TUBGCP3: variants seen among roughly 807,000 people sequenced by gnomAD.
The protein encoded by TUBGCP3 is gamma-tubulin complex component 3.
Under a neutral mutation model 123.1 loss-of-function variants are expected in TUBGCP3, and 50 were observed. That is an observed-to-expected ratio of 0.41 (90% CI 0.32 to 0.51). TUBGCP3 has a LOEUF of 0.51. Ranked by LOEUF, TUBGCP3 falls within the 20% of genes least tolerant of loss-of-function variation. The pLI, the probability that TUBGCP3 is intolerant of heterozygous loss-of-function variation, is 0.36. For missense variants in TUBGCP3, 882 were observed against 1,127.0 expected (o/e 0.78, Z 3.11); for synonymous variants, 405 against 413.9 (o/e 0.98, Z 0.26).
At position 112,504,158 on chromosome 13, in the gene TUBGCP3, A is replaced by G. The variant is rs756337745; in HGVS notation, c.2181T>C (p.Leu727=). 4 of 1,614,128 alleles carry G rather than the reference A, an allele frequency of 2.5e-6. No individual in the cohort carries two copies. The highest frequency in any genetic ancestry group is 3.4e-6 in the Non-Finnish European group (4 of 1,180,020). Residue 727 remains leucine, a synonymous_variant, in exon 19 of 22, where the codon CTT becomes CTC. Transcript: ENST00000261965. The part of the protein sequence containing the change: ...QMQYYITFEV[L]ECSWDELWNK... ...TCCAAAGCTCATCCCAAGAACATTC[A>G]AGCACCTGGGAAACAACAATTTAAA...
In TUBGCP3 at chr13:112,559,408, A is replaced by C. The variant is rs761158087; in HGVS notation, c.253-9T>G. 1.3e-6 allele frequency: 2 copies of C among 1,590,288 alleles called. No individual in the cohort carries two copies. Among genetic ancestry groups the C allele is most frequent in the South Asian group, 2.2e-5 (2 of 89,082 alleles). On this transcript the variant is annotated splice_polypyrimidine_tract_variant and intron_variant, in intron 3 of 21. Transcript: ENST00000261965. Reference sequence around the variant, plus strand: ...TTATTTTTCAAAACTCCCTGTTTGGAAAAAAGTTAATATTAAAAGAACGAT... The same window carrying C: ...TTATTTTTCAAAACTCCCTGTTTGGCAAAAAGTTAATATTAAAAGAACGAT...
At chr13:112,566,116 G>A (rs557942384) in intron 2 of TUBGCP3, among the ~76,000 whole-genome samples, 2 of 152,308 alleles carry the variant, frequency 1.3e-5, no homozygotes, top group Admixed American at 6.5e-5. Context: ...CAGTTGCAGC[G>A]AATGAGAAGT....
At chr13:112,596,014 G>A in the TUBGCP3 span, among the ~76,000 whole-genome samples, 2 of 151,996 alleles carry the variant, frequency 1.3e-5, no homozygotes, top group African/African-American at 4.8e-5. Flanking sequence ...ACTTATTTCT[G>A]TCTACTGCTG....
At position 112,547,167 on chromosome 13, in the gene TUBGCP3, T is replaced by C. The variant is rs149028175; in HGVS notation, c.1168+453A>G. On this transcript the variant is annotated intron_variant, in intron 10 of 21. Transcript: ENST00000261965. ...GACCGAGAGTCACCAACATGGTCCC[T>C]GACTGCAGAAGGACTAAAGGCAAAA... 6.7e-5 allele frequency: 23 copies of C among 341,660 alleles called. No individual in the cohort carries two copies. In the Middle Eastern group the frequency reaches 2.3e-3, roughly 34 times the overall value. The allele number at this position is 341,660 out of a possible 1,614,324, so 21.2% of individuals were successfully genotyped here. A position where few individuals can be genotyped will look rare whatever the true frequency, so the allele number is the denominator to read the frequency against.
intron 9 of TUBGCP3, 88 bp downstream of exon 9, chr13:112,548,020 G>T: frequency 1.9e-6 from 2 of 1,028,024 alleles, no homozygotes; most frequent in Non-Finnish European, 2.8e-6. Context: ...TAAAAGTAAT[G>T]TATGAAGGAA....
At chr13:112,487,116 T>C (rs1879739905) in intron 21 of TUBGCP3, among the ~76,000 whole-genome samples, 1 of 151,818 alleles carries the variant, frequency 6.6e-6, no homozygotes, top group African/African-American at 2.4e-5. Flanking sequence ...ACTGCCTTTT[T>C]AGGTGAGGGA....
intron 9 of TUBGCP3, among the ~76,000 whole-genome samples, 169 bp from the exon 10 acceptor site, chr13:112,547,921 C>T (rs978220189): frequency 6.6e-6 from 1 of 151,924 alleles, no homozygotes; most frequent in Admixed American, 6.6e-5. Flanking sequence ...GGTAGAACCC[C>T]GAAAATTGGC....
chr13:112,533,068 T>C (rs1470298189), intron 11 of TUBGCP3, among the ~76,000 whole-genome samples: 4 of 152,172 alleles, frequency 2.6e-5, no homozygotes, highest in African/African-American at 7.2e-5. Context: ...TCAGCCATGA[T>C]TGGCACTCAA....
chr13:112,559,285 C>T (rs752223757), intron 4 of TUBGCP3, 37 bp downstream of exon 4: 22 of 1,576,596 alleles, frequency 1.4e-5, no homozygotes, highest in Non-Finnish European at 1.9e-5. Flanking sequence ...CCAGGGTGTC[C>T]CGACGGACAC....
At chr13:112,592,712 A>G (rs1386477011), upstream of TUBGCP3, among the ~76,000 whole-genome samples, 3 of 152,216 alleles carry the variant, frequency 2.0e-5, no homozygotes, top group Non-Finnish European at 2.9e-5. This position sits in a 1 kb window ranked among gnomAD's most constrained non-coding sequence, Gnocchi z 4.1. Flanking sequence ...GGCCTCAGCC[A>G]AGGGACCCAT....
At chr13:112,541,902 C>A (rs1437052529) in intron 11 of TUBGCP3, among the ~76,000 whole-genome samples, 2 of 152,132 alleles carry the variant, frequency 1.3e-5, no homozygotes, top group African/African-American at 2.4e-5. Flanking sequence ...GATACAGATT[C>A]TTTAATTAAA....
At chr13:112,571,828 A>T (rs1881417246) in intron 1 of TUBGCP3, among the ~76,000 whole-genome samples, 1 of 152,186 alleles carries the variant, frequency 6.6e-6, no homozygotes, top group African/African-American at 2.4e-5. Context: ...TTCACCTTGC[A>T]TTTTTATGTT....
At chr13:112,568,317 G>A (rs1265397157) in intron 2 of TUBGCP3, among the ~76,000 whole-genome samples, 1 of 150,916 alleles carries the variant, frequency 6.6e-6, no homozygotes, top group African/African-American at 2.4e-5. Context: ...AAGGCCAAAT[G>A]GGTTTCTAGA....
chr13:112,534,778 A>T (rs749649545), intron 11 of TUBGCP3, among the ~76,000 whole-genome samples: 85 of 152,174 alleles, frequency 5.6e-4, no homozygotes, highest in Admixed American at 2.0e-3. Context: ...ATTTTTTTTT[A>T]GAGGAAATTC....
At chr13:112,576,555 G>T (rs986514925) in intron 1 of TUBGCP3, among the ~76,000 whole-genome samples, 1 of 152,104 alleles carries the variant, frequency 6.6e-6, no homozygotes, top group South Asian at 2.1e-4. Flanking sequence ...ATATTGATTA[G>T]CTTCACTGTG....
chr13:112,584,862 G>A (rs927642861), intron 1 of TUBGCP3, among the ~76,000 whole-genome samples: 1 of 152,184 alleles, frequency 6.6e-6, no homozygotes, highest in Non-Finnish European at 1.5e-5. Flanking sequence ...AAATAAATGT[G>A]CTCCCAGGAG....
At position 112,511,780 on chromosome 13, in the gene TUBGCP3, A is replaced by G. The variant is rs1212261984; in HGVS notation, c.2086+4660T>C. Among the ~76,000 whole-genome samples, 1 of 152,176 alleles carries G rather than the reference A, an allele frequency of 6.6e-6. No individual in the cohort carries two copies. On this transcript the variant is annotated intron_variant, in intron 17 of 21. Transcript: ENST00000261965. This position sits in a 1 kb window ranked among gnomAD's most constrained non-coding sequence, Gnocchi z 4.1. Reference sequence around the variant, plus strand: ...CCAACCTTTTCAGATTCTGGGTCTCAGGCTGCTCTCCACTATACACTAGGG... The same window carrying G: ...CCAACCTTTTCAGATTCTGGGTCTCGGGCTGCTCTCCACTATACACTAGGG...
At chr13:112,600,238 T>A in the TUBGCP3 span, among the ~76,000 whole-genome samples, 1 of 152,190 alleles carries the variant, frequency 6.6e-6, no homozygotes, top group Admixed American at 6.5e-5. Flanking sequence ...TCTTTTATAT[T>A]CTATCTCTCA....
chr13:112,571,468 CTT>C (rs1159132513), intron 1 of TUBGCP3, among the ~76,000 whole-genome samples: 1 of 152,154 alleles, frequency 6.6e-6, no homozygotes. Context: ...GTCATCTAGG[CTT>C]TGTCGTTTCA....
Sources: allele counts gnomAD v4.1 joint callset (sites outside exome capture counted in the v4.1 genomes callset), GRCh38; gene constraint gnomAD v4.1.1; non-coding constraint Gnocchi (gnomAD v3.1); transcripts MANE v1.5; gene names NCBI Gene and HGNC (gene_info 2026-07-23, HGNC 2026-07-21).